Variants in SELENOO observed in about 807,000 individuals in gnomAD.
SELENOO encodes the protein selenoprotein O.
In SELENOO, 74 loss-of-function variants were observed where a neutral mutation model predicts 58.7. That is an observed-to-expected ratio of 1.26 (90% CI 1.04 to 1.53). SELENOO has a LOEUF of 1.53. Among genes scored for constraint, SELENOO ranks in the 40% most tolerant of loss-of-function variants. SELENOO has a pLI of 0.00. For synonymous variants in SELENOO, 543 were observed against 453.2 expected (o/e 1.20, Z -2.52); for missense variants, 1,149 against 970.0 (o/e 1.18, Z -2.45).
At chr22:50,215,338 C>T (rs1016097332) in intron 5 of SELENOO, among the ~76,000 whole-genome samples, 2 of 151,864 alleles carry the variant, frequency 1.3e-5, no homozygotes, top group African/African-American at 2.4e-5. Flanking sequence ...GCTGCCTGGG[C>T]GGTGGATGGG....
At chr22:50,204,975 A>G (rs1444754762) in intron 1 of SELENOO, among the ~76,000 whole-genome samples, 2 of 152,256 alleles carry the variant, frequency 1.3e-5, no homozygotes, top group Admixed American at 1.3e-4. Flanking sequence ...GGTGCAGTGA[A>G]ATAAGCTGGT....
Position 50,215,429 on chromosome 22 carries a change from G to C in SELENOO, c.1352-288G>C, listed in dbSNP as rs149922172. 4.1e-3 allele frequency among the ~76,000 whole-genome samples: 629 copies of C among 151,988 alleles called. 6 individuals carry two copies. The highest frequency in any genetic ancestry group is 0.028 in the South Asian group (133 of 4,770). On this transcript the variant is annotated intron_variant, in intron 5 of 8. Coordinates refer to ENST00000380903, the MANE Select transcript of SELENOO (RefSeq NM_031454.2). ...CGGGGCTTGTGTGGCACCTGTGCTGGGGGCAGCATTTGGGTCCGTGTGGGT... is the reference window on the plus strand; with the variant it reads ...CGGGGCTTGTGTGGCACCTGTGCTGCGGGCAGCATTTGGGTCCGTGTGGGT...
At chr22:50,215,492 A>G (rs1015694465) in intron 5 of SELENOO, among the ~76,000 whole-genome samples, 2 of 148,214 alleles carry the variant, frequency 1.3e-5, no homozygotes, top group African/African-American at 5.0e-5. Flanking sequence ...TCCGTGTGGC[A>G]CCTGTGCTGG....
chr22:50,217,267 C>A lies in SELENOO; in HGVS notation c.1908C>A (p.Asp636Glu), dbSNP rs761960038. Residue 636 changes from aspartate to glutamate, a missense_variant, in exon 9 of 9, where the codon GAC (aspartate) becomes GAA (glutamate). By Grantham distance (45) the Asp-to-Glu change is conservative. Coordinates refer to ENST00000380903, the MANE Select transcript of SELENOO (RefSeq NM_031454.2). ...PYHCEAGAAT[D>E]AEATEADGAD... ...ACTGCGAGGCGGGGGCCGCCACAGACGCCGAGGCCACGGAAGCCGACGGGG... is the reference window on the plus strand; with the variant it reads ...ACTGCGAGGCGGGGGCCGCCACAGAAGCCGAGGCCACGGAAGCCGACGGGG... 9 of 1,612,002 alleles carry A rather than the reference C, an allele frequency of 5.6e-6. No individual in the cohort carries two copies. The highest frequency in any genetic ancestry group is 5.9e-6 in the Non-Finnish European group (7 of 1,179,630).
intron 4 of SELENOO, 50 bp downstream of exon 4, chr22:50,210,361 G>A: frequency 6.3e-7 from 1 of 1,590,264 alleles, no homozygotes; most frequent in Non-Finnish European, 8.5e-7. Flanking sequence ...GCTGGGGGGT[G>A]CGGGCTGCAT....
In SELENOO at chr22:50,210,205, G is replaced by C; in HGVS notation, c.964G>C (p.Val322Leu). The C allele has an allele frequency of 6.2e-7, 1 of 1,613,380 alleles. No homozygotes were observed. Among genetic ancestry groups the C allele is most frequent in the Non-Finnish European group, 8.5e-7 (1 of 1,179,948 alleles). Residue 322 changes from valine (V) to leucine (L), a missense_variant, in exon 4 of 9, where the codon GTG becomes CTG. Physicochemically the swap from Val to Leu is conservative, Grantham distance 32 (BLOSUM62 1). Transcript: ENST00000380903. ...GGTGACGCGGCGCACGGCGCGGATGGTGGCCGAGTGGCAGTGTGTGGGCTT... is the reference window on the plus strand; with the variant it reads ...GGTGACGCGGCGCACGGCGCGGATGCTGGCCGAGTGGCAGTGTGTGGGCTT... ...REVTRRTARMVAEWQCVGFCH... is the reference protein window; with the variant it reads ...REVTRRTARMLAEWQCVGFCH...
At chr22:50,210,444 A>G in intron 4 of SELENOO, 133 bp downstream of exon 4, 1 of 1,356,340 alleles carries the variant, frequency 7.4e-7, no homozygotes, top group Admixed American at 2.4e-5. Flanking sequence ...CTGATGTAGG[A>G]AGTAGAGAGT....
At position 50,210,408 on chromosome 22, in the gene SELENOO, TGAG is replaced by T. The variant is rs998318248; in HGVS notation, c.1070+99_1070+101del. 6 of 1,490,682 alleles carry T rather than the reference TGAG, an allele frequency of 4.0e-6. No individual in the cohort carries two copies. In the African/African-American group the frequency reaches 8.4e-5, roughly 21 times the overall value. 92.3% of individuals were successfully genotyped at this position (1,490,682 alleles called of 1,614,324 possible). A position where few individuals can be genotyped will look rare whatever the true frequency, so the allele number is the denominator to read the frequency against. The stretch of plus-strand genomic sequence containing the variant: ...CCCCCAGGCACTGGCCCGTGATGCT[TGAG>T]GGGGAGCCGAGGGGGCTGGGGGCTG... On this transcript the variant is annotated intron_variant, in intron 4 of 8. Coordinates refer to ENST00000380903, the MANE Select transcript of SELENOO (RefSeq NM_031454.2).
chr22:50,217,560 C>A lies in SELENOO; in HGVS notation c.*191C>A. The A allele has an allele frequency of 2.1e-6, 2 of 946,022 alleles. No individual in the cohort carries two copies. The highest frequency in any genetic ancestry group is 1.6e-6 in the Non-Finnish European group (1 of 642,206). 58.6% of individuals were successfully genotyped at this position (946,022 alleles called of 1,614,324 possible). A position where few individuals can be genotyped will look rare whatever the true frequency, so the allele number is the denominator to read the frequency against. ...TCTGTCTGAGGCCGGCTCAGCAGTG[C>A]AGCCTGGTCCCTGGGGGCTGGACCC... is the stretch of plus-strand genomic sequence containing the variant. On this transcript the variant is annotated 3_prime_UTR_variant, in exon 9 of 9. Coordinates refer to ENST00000380903, the MANE Select transcript of SELENOO (RefSeq NM_031454.2).
chr22:50,212,945 A>G (rs913536641), intron 5 of SELENOO, among the ~76,000 whole-genome samples: 29 of 152,010 alleles, frequency 1.9e-4, no homozygotes, highest in African/African-American at 7.0e-4. Flanking sequence ...TTCTTTCTCC[A>G]GTTCCTTAGG....
intron 5 of SELENOO, among the ~76,000 whole-genome samples, chr22:50,211,349 C>T (rs904791942): frequency 2.6e-5 from 4 of 152,166 alleles, no homozygotes; most frequent in Admixed American, 6.5e-5. Context: ...TCCCTGCTTT[C>T]AGTTCCGTGG....
intron 6 of SELENOO, 131 bp downstream of exon 6, chr22:50,215,998 A>AG: frequency 1.3e-6 from 1 of 758,444 alleles, no homozygotes; most frequent in African/African-American, 1.7e-5. Context: ...CCAGGGACAG[A>AG]TTCAGTCAGG....
In SELENOO at chr22:50,201,177, G is replaced by A. The variant is rs146628870; in HGVS notation, c.141G>A (p.Gly47=). The A allele has an allele frequency of 5.4e-4, 666 of 1,236,328 alleles. 3 individuals carry two copies. In the African/African-American group the frequency reaches 9.4e-3, roughly 17 times the overall value. The allele number at this position is 1,236,328 out of a possible 1,614,324, so 76.6% of individuals were successfully genotyped here. A position where few individuals can be genotyped will look rare whatever the true frequency, so the allele number is the denominator to read the frequency against. ...AMEPAPRWLA[G]LRFDNRALRA... ...AGCCCGCGCCTCGCTGGCTGGCGGG[G>A]CTGCGCTTCGACAACCGCGCCCTGC... The change falls in exon 1 of 9, where the codon GGG becomes GGA. Residue 47 remains glycine, a synonymous_variant. Coordinates refer to ENST00000380903, the MANE Select transcript of SELENOO (RefSeq NM_031454.2).
At chr22:50,211,224 G>A (rs12169305) in intron 5 of SELENOO, among the ~76,000 whole-genome samples, 3,337 of 152,240 alleles carry the variant, frequency 0.022, 132 homozygotes, top group African/African-American at 0.076. Context: ...TGGACAGGCC[G>A]CAGTTTGCTT....
Position 50,217,349 on chromosome 22 carries a change from T to G in SELENOO, c.1990T>G (p.Cys664Gly), listed in dbSNP as rs778019495. 6.2e-7 allele frequency: 1 copy of G among 1,612,788 alleles called. No individual in the cohort carries two copies. The change falls in exon 9 of 9, where the codon TGC becomes GGC. Residue 664 changes from cysteine to glycine, a missense_variant. By Grantham distance (159) the Cys-to-Gly change is radical. Transcript: ENST00000380903. ...GCCCCCGCTCTGGGCAGCAGAACTGTGCGTGACATGATCTTCGTAACGGCC... is the reference window on the plus strand; with the variant it reads ...GCCCCCGCTCTGGGCAGCAGAACTGGGCGTGACATGATCTTCGTAACGGCC... Reference protein sequence around the residue: ...SKPPLWAAELCVTUSS With the variant: ...SKPPLWAAELGVTUSS
At chr22:50,201,642 C>G in intron 1 of SELENOO, 52 bp downstream of exon 1, 1 of 1,190,998 alleles carries the variant, frequency 8.4e-7, no homozygotes, top group Non-Finnish European at 1.1e-6. Flanking sequence ...CCGGGGCGCC[C>G]CTTCCCTCCG....
chr22:50,210,084 C>T (rs1025323665), intron 3 of SELENOO, 97 bp from the exon 4 acceptor site: 101 of 1,453,974 alleles, frequency 6.9e-5, no homozygotes, highest in Non-Finnish European at 8.9e-5. Flanking sequence ...AGCCACTCAG[C>T]GAAGCACAGC....
chr22:50,217,181 CCT>C (rs753553066), intron 8 of SELENOO, 22 bp from the exon 9 acceptor site: 16 of 1,611,566 alleles, frequency 9.9e-6, no homozygotes, highest in Non-Finnish European at 1.3e-5. Context: ...GCCCCAGACC[CCT>C]CTCACCCTCC....
intron 1 of SELENOO, among the ~76,000 whole-genome samples, chr22:50,202,153 C>G (rs950623303): frequency 6.6e-6 from 1 of 152,234 alleles, no homozygotes; most frequent in Admixed American, 6.5e-5. Context: ...TGGGTCTGTT[C>G]TGCTCTTTTC....
Sources: gnomAD v4.1 joint callset for allele counts (sites outside exome capture counted in the v4.1 genomes callset) on GRCh38, gnomAD v4.1.1 for gene constraint, MANE v1.5 for transcripts, NCBI Gene and HGNC (gene_info 2026-07-23, HGNC 2026-07-21) for gene names.